PIP5K1B: variants seen among roughly 807,000 people sequenced by gnomAD.
PIP5K1B encodes the protein phosphatidylinositol-4-phosphate 5-kinase type 1 beta, also known as phosphatidylinositol 4-phosphate 5-kinase type-1 beta.
In PIP5K1B, 42 loss-of-function variants were observed where a neutral mutation model predicts 67.0. The observed-to-expected ratio is 0.63, with a 90% CI of 0.49 to 0.81. The LOEUF is 0.81. Ranked by LOEUF, PIP5K1B falls within the 30% of genes least tolerant of loss-of-function variation. PIP5K1B has a pLI of 0.00. For missense variants in PIP5K1B, 459 were observed against 646.3 expected (o/e 0.71, Z 3.14); for synonymous variants, 214 against 231.4 (o/e 0.92, Z 0.68).
chr9:68,750,097 A>C (rs4744689), intron 2 of PIP5K1B, among the ~76,000 whole-genome samples: 60,892 of 152,104 alleles, frequency 0.4, 12,478 homozygotes, highest in Admixed American at 0.47. Context: ...GGCAAATTGC[A>C]AAGTATTTAA....
At chr9:68,779,685 C>T (rs568027632) in intron 2 of PIP5K1B, among the ~76,000 whole-genome samples, 1 of 152,330 alleles carries the variant, frequency 6.6e-6, no homozygotes, top group African/African-American at 2.4e-5. Context: ...TTCCCGCTTC[C>T]TGCAAAGTTC....
At chr9:68,712,251 C>T (rs953000732) in intron 1 of PIP5K1B, among the ~76,000 whole-genome samples, 8 of 152,306 alleles carry the variant, frequency 5.3e-5, no homozygotes, top group East Asian at 3.9e-4. Context: ...CTTCACCTTC[C>T]GCCATGACTG....
intron 8 of PIP5K1B, among the ~76,000 whole-genome samples, chr9:68,907,096 A>C (rs563739525): frequency 4.7e-4 from 72 of 152,364 alleles, no homozygotes; most frequent in African/African-American, 1.6e-3. Flanking sequence ...CCTCAAACTG[A>C]AACTTATCAG....
At chr9:69,002,278 C>T (rs1474943670) in intron 15 of PIP5K1B, among the ~76,000 whole-genome samples, 2 of 152,318 alleles carry the variant, frequency 1.3e-5, no homozygotes, top group Middle Eastern at 3.4e-3. Flanking sequence ...AGTCCCTGGT[C>T]CTTGGAAGAG....
chr9:68,955,330 G>T (rs1232886699), intron 14 of PIP5K1B, among the ~76,000 whole-genome samples: 1 of 152,214 alleles, frequency 6.6e-6, no homozygotes, highest in Non-Finnish European at 1.5e-5. Flanking sequence ...TTTTATTTGT[G>T]TTTGTAACAA....
intron 12 of PIP5K1B, among the ~76,000 whole-genome samples, chr9:68,926,448 T>C (rs946944916): frequency 6.6e-6 from 1 of 152,244 alleles, no homozygotes; most frequent in African/African-American, 2.4e-5. Flanking sequence ...ATCTATTTTT[T>C]AATAATAGCT....
At chr9:68,993,455 TC>T (rs927014577) in intron 15 of PIP5K1B, among the ~76,000 whole-genome samples, 35 of 152,092 alleles carry the variant, frequency 2.3e-4, no homozygotes, top group African/African-American at 7.5e-4. Flanking sequence ...AAACAGCAGG[TC>T]CCCCACCAAC....
chr9:68,746,079 T>C (rs1008402436), intron 2 of PIP5K1B, among the ~76,000 whole-genome samples: 2 of 144,558 alleles, frequency 1.4e-5, no homozygotes, highest in Non-Finnish European at 3.0e-5. Context: ...GTTAACTCTT[T>C]TTTTTTTTTT....
At chr9:68,710,269 T>C (rs1225318348) in intron 1 of PIP5K1B, among the ~76,000 whole-genome samples, 1 of 152,194 alleles carries the variant, frequency 6.6e-6, no homozygotes, top group Non-Finnish European at 1.5e-5. Flanking sequence ...CTGTACATTA[T>C]GTAGCTCTAC....
chr9:68,882,761 A>T (rs1290868131), intron 6 of PIP5K1B, among the ~76,000 whole-genome samples: 1 of 152,238 alleles, frequency 6.6e-6, no homozygotes, highest in Non-Finnish European at 1.5e-5. Context: ...TCCTAAAGAG[A>T]GTCTAGGGTC....
chr9:68,932,264 A>G (rs967007475), intron 12 of PIP5K1B, among the ~76,000 whole-genome samples: 1 of 152,210 alleles, frequency 6.6e-6, no homozygotes, highest in African/African-American at 2.4e-5. Flanking sequence ...TGACCTAAGA[A>G]CTATGATGTA....
chr9:68,868,613 C>T (rs1823474328), intron 5 of PIP5K1B, among the ~76,000 whole-genome samples: 5 of 152,114 alleles, frequency 3.3e-5, no homozygotes, highest in Admixed American at 3.3e-4. Context: ...AACAAGTGTC[C>T]AGCTTTTATC....
intron 2 of PIP5K1B, among the ~76,000 whole-genome samples, chr9:68,785,749 A>T (rs531781684): frequency 1.3e-5 from 2 of 152,158 alleles, no homozygotes; most frequent in African/African-American, 4.8e-5. Flanking sequence ...TAGACAGTGG[A>T]GCAGGGTGGC....
chr9:68,916,640 G>A lies in PIP5K1B; in HGVS notation c.772-908G>A, dbSNP rs146611190. On this transcript the variant is annotated intron_variant, in intron 8 of 15. Coordinates refer to ENST00000265382, the MANE Select transcript of PIP5K1B (RefSeq NM_003558.4). ...TGTAATCCCAGCACTTTGGGAGGCC[G>A]AGGCAGGCAGATCATGGGGTCATGG... 2.3e-3 allele frequency among the ~76,000 whole-genome samples: 347 copies of A among 152,240 alleles called. 2 individuals carry two copies. Among genetic ancestry groups the A allele is most frequent in the African/African-American group, 8.0e-3 (334 of 41,546 alleles).
At chr9:68,969,697 C>T (rs1829251509) in intron 14 of PIP5K1B, among the ~76,000 whole-genome samples, 1 of 152,162 alleles carries the variant, frequency 6.6e-6, no homozygotes, top group Non-Finnish European at 1.5e-5. Flanking sequence ...TGAGCACATC[C>T]TCCCACCCGA....
At chr9:68,810,698 C>T (rs989867919) in intron 2 of PIP5K1B, among the ~76,000 whole-genome samples, 7 of 152,144 alleles carry the variant, frequency 4.6e-5, no homozygotes, top group Non-Finnish European at 1.0e-4. Flanking sequence ...ATATGGCCCC[C>T]AGGCACAATA....
chr9:69,003,143 A>G (rs1830898591), intron 15 of PIP5K1B, among the ~76,000 whole-genome samples: 1 of 152,108 alleles, frequency 6.6e-6, no homozygotes. Context: ...TAACGTGGGC[A>G]GAGGGAGGCG....
At chr9:68,881,870 A>C (rs1252269198) in intron 6 of PIP5K1B, among the ~76,000 whole-genome samples, 1 of 152,212 alleles carries the variant, frequency 6.6e-6, no homozygotes, top group Admixed American at 6.5e-5. Context: ...TGGATATTCA[A>C]AAATCCAGTA....
At chr9:68,799,144 G>A (rs1179064597) in intron 2 of PIP5K1B, among the ~76,000 whole-genome samples, 1 of 152,184 alleles carries the variant, frequency 6.6e-6, no homozygotes, top group Non-Finnish European at 1.5e-5. Flanking sequence ...TAAGTTCAAA[G>A]CTAGGGAAAT....
Sources: gnomAD v4.1 joint callset for allele counts (sites outside exome capture counted in the v4.1 genomes callset) on GRCh38, gnomAD v4.1.1 for gene constraint, MANE v1.5 for transcripts, NCBI Gene and HGNC (gene_info 2026-07-23, HGNC 2026-07-21) for gene names.